Variants in ADCY9 observed in about 807,000 individuals in gnomAD.
ADCY9 encodes the protein adenylate cyclase 9.
A neutral mutation model predicts 101.5 loss-of-function variants in ADCY9; 50 were observed. That is an observed-to-expected ratio of 0.49 (90% CI 0.39 to 0.62). The LOEUF is 0.62. Among genes scored for constraint, ADCY9 ranks in the 20% least tolerant of loss-of-function variants. The pLI is 0.00. For missense variants in ADCY9, 1,662 were observed against 1,800.4 expected, an observed-to-expected ratio of 0.92 and a Z score of 1.39; for synonymous variants, 905 against 769.3, an observed-to-expected ratio of 1.18 and a Z score of -2.92.
intron 2 of ADCY9, among the ~76,000 whole-genome samples, chr16:4,043,117 G>C (rs1349943302): frequency 6.6e-6 from 1 of 152,132 alleles, no homozygotes; most frequent in African/African-American, 2.4e-5. Flanking sequence ...TGAAGTCCCA[G>C]CTACTTGGGA....
chr16:4,057,811 G>A (rs8059217), intron 2 of ADCY9, among the ~76,000 whole-genome samples: 275 of 151,970 alleles, frequency 1.8e-3, no homozygotes, highest in African/African-American at 6.3e-3. Context: ...ACCCAGTGCT[G>A]CAAGAGTTGC....
chr16:4,088,549 C>T (rs1342467770), intron 2 of ADCY9, among the ~76,000 whole-genome samples: 1 of 151,914 alleles, frequency 6.6e-6, no homozygotes, highest in Non-Finnish European at 1.5e-5. Context: ...CTTGGCCTCC[C>T]GAAGTGCTGG....
At chr16:4,008,441 C>T (rs747542327) in intron 2 of ADCY9, among the ~76,000 whole-genome samples, 2 of 152,244 alleles carry the variant, frequency 1.3e-5, no homozygotes, top group East Asian at 1.9e-4. Flanking sequence ...TTTGACTTCA[C>T]TGGAATTTAA....
chr16:4,010,692 G>A (rs1258725902), intron 2 of ADCY9, among the ~76,000 whole-genome samples: 1 of 152,138 alleles, frequency 6.6e-6, no homozygotes, highest in Non-Finnish European at 1.5e-5. Context: ...AGGAAGGACG[G>A]GTGCTCCAGG....
chr16:4,035,964 A>G (rs1021361022), intron 2 of ADCY9, among the ~76,000 whole-genome samples: 1 of 125,316 alleles, frequency 8.0e-6, no homozygotes, highest in African/African-American at 3.1e-5. Context: ...GTGCCATTGC[A>G]CTCCAGCCTG....
rs766368158 is a variant in ADCY9, at chr16:4,114,144, G to A, written c.1299C>T (p.Thr433=). 2 of 1,613,710 alleles carry A rather than the reference G, an allele frequency of 1.2e-6. No homozygotes were observed. The highest frequency in any genetic ancestry group is 1.3e-5 in the African/African-American group (1 of 74,898). ...FGRFDRLCEE[T]KCEKISTLGD... ...CCAGGGTGCTGATTTTCTCACACTT[G>A]GTCTCCTCACACAGGCGGTCGAAGC... The change falls in exon 2 of 11, where the codon ACC becomes ACT. Residue 433 remains threonine, a synonymous_variant. Coordinates refer to ENST00000294016, the MANE Select transcript of ADCY9 (RefSeq NM_001116.4). The surrounding 1 kb of genome is among the most constrained non-coding windows in gnomAD (Gnocchi z 4.3).
chr16:3,967,076 T>C lies in ADCY9; in HGVS notation c.2871-110A>G, dbSNP rs1446536787. 5.8e-6 allele frequency: 5 copies of C among 863,422 alleles called. No homozygotes were observed. The East Asian group carries it at 7.8e-5, about 13-fold the overall frequency. 53.5% of individuals were successfully genotyped at this position (863,422 alleles called of 1,614,324 possible). A position where few individuals can be genotyped will look rare whatever the true frequency, so the allele number is the denominator to read the frequency against. ...TGTTGAGTCCAGGCCTTCAACAACCTGAAGCTGTCAAGCTGCCCATTCCTG... is the reference window on the plus strand; with the variant it reads ...TGTTGAGTCCAGGCCTTCAACAACCCGAAGCTGTCAAGCTGCCCATTCCTG... On this transcript the variant is annotated intron_variant, in intron 10 of 10. Coordinates refer to ENST00000294016, the MANE Select transcript of ADCY9 (RefSeq NM_001116.4).
At chr16:4,047,805 C>T (rs886169350) in intron 2 of ADCY9, among the ~76,000 whole-genome samples, 1 of 152,214 alleles carries the variant, frequency 6.6e-6, no homozygotes, top group African/African-American at 2.4e-5. Flanking sequence ...GTGATCCGCC[C>T]GCCTCGGCCT....
In ADCY9 at chr16:3,974,604, G is replaced by A. The variant is rs936658232; in HGVS notation, c.2870+65C>T. On this transcript the variant is annotated intron_variant, in intron 10 of 10. Transcript: ENST00000294016. ...GATCCCATTGTTTTCAGGAAGCTTC[G>A]AAATGGGCAGGGTAATACAGTCACT... 10 of 1,359,576 alleles carry A rather than the reference G, an allele frequency of 7.4e-6. No individual in the cohort carries two copies. The African/African-American group carries it at 8.7e-5, about 12-fold the overall frequency. 84.2% of individuals were successfully genotyped at this position (1,359,576 alleles called of 1,614,324 possible).
intron 10 of ADCY9, 77 bp from the exon 11 acceptor site, chr16:3,967,043 C>A (rs890462038): frequency 7.8e-7 from 1 of 1,277,168 alleles, no homozygotes; most frequent in Admixed American, 2.2e-5. Flanking sequence ...GCTAGCTACG[C>A]AAAGCTTTGT....
chr16:3,979,471 C>T (rs1206205185), intron 7 of ADCY9, among the ~76,000 whole-genome samples, 196 bp from the exon 8 acceptor site: 3 of 152,244 alleles, frequency 2.0e-5, no homozygotes, highest in Admixed American at 2.0e-4. Flanking sequence ...AGGCTTAGCT[C>T]ATTGTACCTG....
intron 2 of ADCY9, among the ~76,000 whole-genome samples, chr16:4,070,781 C>G (rs982479203): frequency 2.0e-5 from 3 of 151,912 alleles, no homozygotes; most frequent in South Asian, 2.1e-4. Context: ...CATCTACACA[C>G]AAAAATACAT....
At chr16:4,046,577 C>T (rs2056666485) in intron 2 of ADCY9, among the ~76,000 whole-genome samples, 1 of 152,184 alleles carries the variant, frequency 6.6e-6, no homozygotes, top group African/African-American at 2.4e-5. Context: ...TGAAACTTGT[C>T]TACTTCATGA....
intron 2 of ADCY9, among the ~76,000 whole-genome samples, chr16:4,021,755 G>A (rs1043967848): frequency 5.3e-5 from 8 of 152,248 alleles, no homozygotes; most frequent in Middle Eastern, 6.8e-3. Context: ...TTTTTACTGC[G>A]CTTCACACGA....
intron 5 of ADCY9, among the ~76,000 whole-genome samples, chr16:3,991,023 C>T (rs1218929389): frequency 2.0e-5 from 3 of 152,182 alleles, no homozygotes; most frequent in Non-Finnish European, 4.4e-5. Context: ...TGGTCTTGAA[C>T]CCCTGACTTC....
intron 3 of ADCY9, among the ~76,000 whole-genome samples, chr16:4,005,926 C>T (rs150589183): frequency 1.1e-3 from 171 of 152,302 alleles, no homozygotes; most frequent in Admixed American, 2.0e-3. Flanking sequence ...CCTCCCTGCC[C>T]GGGTCCGCTG....
intron 6 of ADCY9, among the ~76,000 whole-genome samples, chr16:3,987,212 C>T (rs534926798): frequency 2.6e-5 from 4 of 152,230 alleles, no homozygotes; most frequent in South Asian, 2.1e-4. Context: ...GGAGGGCACT[C>T]GCAGACCTCC....
At chr16:4,016,572 T>A (rs893211436) in intron 2 of ADCY9, among the ~76,000 whole-genome samples, 1 of 152,108 alleles carries the variant, frequency 6.6e-6, no homozygotes, top group Admixed American at 6.6e-5. Flanking sequence ...GCACACAGTG[T>A]AGATGATGAA....
At chr16:3,961,507 C>G (rs117139896), downstream of ADCY9, among the ~76,000 whole-genome samples, 2 of 151,644 alleles carry the variant, frequency 1.3e-5, no homozygotes, top group Non-Finnish European at 2.9e-5. Flanking sequence ...GCAGCAAGGA[C>G]GGGTTATTCC....
Sources: gnomAD v4.1 joint callset for allele counts (sites outside exome capture counted in the v4.1 genomes callset) on GRCh38, gnomAD v4.1.1 for gene constraint, Gnocchi (gnomAD v3.1) non-coding constraint, MANE v1.5 for transcripts, NCBI Gene and HGNC (gene_info 2026-07-23, HGNC 2026-07-21) for gene names.